Variants in CRY1 observed in about 807,000 individuals in gnomAD.
CRY1 encodes cryptochrome circadian regulator 1.
A neutral mutation model predicts 76.0 loss-of-function variants in CRY1; 45 were observed. The observed-to-expected ratio is 0.59, with a 90% CI of 0.47 to 0.76. The LOEUF (loss-of-function observed/expected upper bound fraction) is 0.76. Ranked by LOEUF, CRY1 falls within the 30% of genes least tolerant of loss-of-function variation. The pLI, the probability that CRY1 is intolerant of heterozygous loss-of-function variation, is 0.00. For synonymous variants in CRY1, 248 were observed against 244.0 expected, an observed-to-expected ratio of 1.02 and a Z score of -0.15; for missense variants, 587 against 716.4, an observed-to-expected ratio of 0.82 and a Z score of 2.06.
chr12:107,089,639 T>G (rs1329810290), intron 1 of CRY1, among the ~76,000 whole-genome samples: 2 of 152,204 alleles, frequency 1.3e-5, no homozygotes, highest in Non-Finnish European at 2.9e-5. Flanking sequence ...GTCTAAAAAG[T>G]GTTGACCGAA....
At chr12:107,026,134 C>CATATATATATAAAATATAT (rs1952608423) in intron 1 of CRY1, among the ~76,000 whole-genome samples, 1 of 58,870 alleles carries the variant, frequency 1.7e-5, no homozygotes, top group African/African-American at 1.1e-4. Flanking sequence ...TATATAATTA[C>CATATATATATAAAATATAT]ATATATATTA....
intron 1 of CRY1, among the ~76,000 whole-genome samples, chr12:107,080,183 G>A (rs1358318353): frequency 6.6e-6 from 1 of 152,030 alleles, no homozygotes; most frequent in African/African-American, 2.4e-5. Flanking sequence ...GACTCAAATG[G>A]GCAAATGGAA....
chr12:107,058,260 C>A lies in CRY1; in HGVS notation c.158+34544G>T, dbSNP rs913538495. Among the ~76,000 whole-genome samples, 6 of 152,124 alleles carry A rather than the reference C, an allele frequency of 3.9e-5. No homozygotes were observed. In the East Asian group the frequency reaches 7.7e-4, roughly 20 times the overall value. The stretch of plus-strand genomic sequence containing the variant: ...TGCAGAACGTCCTCTTCCACTAGCA[C>A]CTGGTAAATACATACACACAGACAC... On this transcript the variant is annotated intron_variant, in intron 1 of 12. Coordinates refer to ENST00000008527, the MANE Select transcript of CRY1 (RefSeq NM_004075.5).
chr12:107,069,454 T>G (rs942607694), intron 1 of CRY1, among the ~76,000 whole-genome samples: 8 of 149,444 alleles, frequency 5.4e-5, no homozygotes, highest in African/African-American at 2.0e-4. Flanking sequence ...TATTGCACTG[T>G]GGTTTTGTTT....
intron 1 of CRY1, among the ~76,000 whole-genome samples, chr12:107,090,316 C>T (rs1160434383): frequency 1.3e-5 from 2 of 152,210 alleles, no homozygotes; most frequent in East Asian, 3.8e-4. Context: ...TGGTCTCAAA[C>T]TCCGGGCCTC....
intron 2 of CRY1, among the ~76,000 whole-genome samples, chr12:107,009,529 A>C (rs535593379): frequency 7.0e-6 from 1 of 143,266 alleles, no homozygotes; most frequent in South Asian, 2.3e-4. Context: ...ACAGAGCAAG[A>C]CTCCATCTCA....
rs966417350 is a variant in CRY1 at position 107,093,319 on chromosome 12, C to G, written c.-358G>C. On this transcript the variant is annotated 5_prime_UTR_variant, in exon 1 of 13. Transcript: ENST00000008527. The stretch of plus-strand genomic sequence containing the variant: ...CCACGACGGCCCGAGCCGGCACGGA[C>G]GGCCCCAGGAGATTCGTCACGGAAA... 2 of 222,540 alleles carry G rather than the reference C, an allele frequency of 9.0e-6. No individual in the cohort carries two copies. Among genetic ancestry groups the G allele is most frequent in the Non-Finnish European group, 1.8e-5 (2 of 113,382 alleles). The allele number at this position is 222,540 out of a possible 1,614,324, so 13.8% of individuals were successfully genotyped here.
At chr12:107,002,004 C>G in intron 3 of CRY1, 56 bp from the exon 4 acceptor site, 2 of 1,426,660 alleles carry the variant, frequency 1.4e-6, no homozygotes, top group Non-Finnish European at 1.9e-6. Context: ...TACATTTTGG[C>G]TAATAAGCTC....
chr12:107,027,714 T>C (rs200799115), intron 1 of CRY1, among the ~76,000 whole-genome samples: 78 of 152,308 alleles, frequency 5.1e-4, no homozygotes, highest in Non-Finnish European at 7.9e-4. Flanking sequence ...GACTTCAACA[T>C]GAATCAACAG....
In CRY1 at chr12:107,069,623, A is replaced by ATATAAAAAG. The variant is rs1565842784; in HGVS notation, c.158+23180_158+23181insCTTTTTATA. 4.5e-3 allele frequency among the ~76,000 whole-genome samples: 554 copies of ATATAAAAAG among 121,914 alleles called. 8 individuals are homozygous for ATATAAAAAG. Among genetic ancestry groups the ATATAAAAAG allele is most frequent in the African/African-American group, 0.015 (535 of 35,772 alleles). The allele number at this position is 121,914 out of a possible 152,430, so 80.0% of individuals were successfully genotyped here. On this transcript the variant is annotated intron_variant, in intron 1 of 12. Coordinates refer to ENST00000008527, the MANE Select transcript of CRY1 (RefSeq NM_004075.5). The stretch of plus-strand genomic sequence containing the variant: ...TAAAGTATATATATAAAAAGTATAT[A>ATATAAAAAG]TATATAAAGTATATATATAAAAAGT...
chr12:106,994,252 C>T lies in CRY1; in HGVS notation c.1586-1216G>A, dbSNP rs374341676. ...TTAATATTAATAGCATAGCCCAAGC[C>T]GTGTCTTTTCACAATTTCCCATTTC... On this transcript the variant is annotated intron_variant, in intron 10 of 12. Coordinates refer to ENST00000008527, the MANE Select transcript of CRY1 (RefSeq NM_004075.5). 3.9e-5 allele frequency among the ~76,000 whole-genome samples: 6 copies of T among 152,254 alleles called. No homozygotes were observed. The South Asian group carries it at 6.2e-4, about 16-fold the overall frequency.
At chr12:107,062,592 G>GCAGTAAGTATCTTGCAGATCTCCCTC (rs1178035840) in intron 1 of CRY1, among the ~76,000 whole-genome samples, 1 of 152,056 alleles carries the variant, frequency 6.6e-6, no homozygotes, top group Admixed American at 6.6e-5. Context: ...GTTTTTCTGT[G>GCAGTAAGTATCTTGCAGATCTCCCTC]ATAAAATAGT....
chr12:107,092,977 G>T lies in CRY1; in HGVS notation c.-16C>A, dbSNP rs911285707. 1 of 1,523,914 alleles carries T rather than the reference G, an allele frequency of 6.6e-7. No homozygotes were observed. Among genetic ancestry groups the T allele is most frequent in the Non-Finnish European group, 8.8e-7 (1 of 1,140,774 alleles). The allele number at this position is 1,523,914 out of a possible 1,614,324, so 94.4% of individuals were successfully genotyped here. On this transcript the variant is annotated 5_prime_UTR_variant, in exon 1 of 13. Transcript: ENST00000008527. ...TCACCCCCATGCCGGGGGGCGCGGC[G>T]GGTCCTCCACGGAGAAATTCAAGGA... is the stretch of plus-strand genomic sequence containing the variant.
At chr12:107,058,854 C>T (rs1953015794) in intron 1 of CRY1, among the ~76,000 whole-genome samples, 1 of 152,202 alleles carries the variant, frequency 6.6e-6, no homozygotes, top group African/African-American at 2.4e-5. Flanking sequence ...TTTCTGTACC[C>T]ATACAGCTCT....
chr12:107,062,983 A>C (rs568084812), intron 1 of CRY1, among the ~76,000 whole-genome samples: 10 of 152,328 alleles, frequency 6.6e-5, no homozygotes, highest in African/African-American at 2.2e-4. Context: ...CTGTGTATAT[A>C]AGGTAGTATT....
At chr12:107,028,947 T>A (rs1332121168) in intron 1 of CRY1, among the ~76,000 whole-genome samples, 1 of 152,208 alleles carries the variant, frequency 6.6e-6, no homozygotes, top group Non-Finnish European at 1.5e-5. Flanking sequence ...GTGTAAAAAA[T>A]ACCTACTGTT....
At chr12:107,044,138 T>C (rs892620766) in intron 1 of CRY1, among the ~76,000 whole-genome samples, 12 of 152,156 alleles carry the variant, frequency 7.9e-5, no homozygotes, top group African/African-American at 9.7e-5. Context: ...AACAGGGTCA[T>C]GAGACCCTGA....
chr12:107,064,329 T>C (rs2136886459), intron 1 of CRY1, among the ~76,000 whole-genome samples: 1 of 152,198 alleles, frequency 6.6e-6, no homozygotes, highest in Non-Finnish European at 1.5e-5. Flanking sequence ...TCACCAAAGA[T>C]ATATAGATGG....
chr12:107,065,599 A>G (rs1042180723), intron 1 of CRY1, among the ~76,000 whole-genome samples: 1 of 152,188 alleles, frequency 6.6e-6, no homozygotes, highest in Non-Finnish European at 1.5e-5. Context: ...CTGTTTCAAA[A>G]AAAAAAGAGT....
Sources: allele counts gnomAD v4.1 joint callset (sites outside exome capture counted in the v4.1 genomes callset), GRCh38; gene constraint gnomAD v4.1.1; transcripts MANE v1.5; gene names NCBI Gene and HGNC (gene_info 2026-07-23, HGNC 2026-07-21).